CHRM2: variants seen among roughly 807,000 people sequenced by gnomAD.
CHRM2 encodes muscarinic acetylcholine receptor M2.
In CHRM2, 8 loss-of-function variants were observed where a neutral mutation model predicts 25.0. The ratio of observed to expected loss-of-function variants is 0.32; its 90% CI spans 0.19 to 0.58. The LOEUF is 0.58. CHRM2 is among the 20% of genes least tolerant of loss of function. The pLI, the probability that CHRM2 is intolerant of heterozygous loss-of-function variation, is 0.88. For synonymous variants in CHRM2, 202 were observed against 205.7 expected, an observed-to-expected ratio of 0.98 and a Z score of 0.15; for missense variants, 440 against 567.1, an observed-to-expected ratio of 0.78 and a Z score of 2.28.
intron 2 of CHRM2, among the ~76,000 whole-genome samples, chr7:136,950,828 T>C (rs1394468197): frequency 6.6e-6 from 1 of 151,570 alleles, no homozygotes; most frequent in Non-Finnish European, 1.5e-5. Flanking sequence ...GTTGTTGTTG[T>C]TTCGAGAGAG....
chr7:136,891,806 A>G (rs1438647361), intron 2 of CHRM2, among the ~76,000 whole-genome samples: 1 of 152,200 alleles, frequency 6.6e-6, no homozygotes, highest in African/African-American at 2.4e-5. Flanking sequence ...TGCTAAGCAT[A>G]GCCAGCATAT....
chr7:136,913,619 C>G (rs1797959772), intron 2 of CHRM2, among the ~76,000 whole-genome samples: 1 of 151,794 alleles, frequency 6.6e-6, no homozygotes, highest in South Asian at 2.1e-4. Context: ...TAACCAAAAC[C>G]TAGTAATTTT....
rs189942380 is a variant in CHRM2 at position 136,990,613 on chromosome 7, A to T, written c.-124-1574A>T. ...TGGATGTACCACAGTTTATTCATTC[A>T]CCTACTGAAGGATATCTTTGTTGCT... On this transcript the variant is annotated intron_variant, in intron 2 of 3. Transcript: ENST00000680005. Among the ~76,000 whole-genome samples, 221 of 152,232 alleles carry T rather than the reference A, an allele frequency of 1.5e-3. 1 individual carries two copies. Among genetic ancestry groups the T allele is most frequent in the Non-Finnish European group, 2.6e-3 (178 of 67,998 alleles).
At chr7:137,013,892 C>G (rs141199532) in intron 3 of CHRM2, among the ~76,000 whole-genome samples, 1 of 151,998 alleles carries the variant, frequency 6.6e-6, no homozygotes, top group Admixed American at 6.6e-5. Flanking sequence ...AATGACTGAA[C>G]AAACTGGGAT....
chr7:136,978,608 C>T (rs1221380336), intron 2 of CHRM2, among the ~76,000 whole-genome samples: 5 of 152,116 alleles, frequency 3.3e-5, no homozygotes, highest in Admixed American at 2.0e-4. Flanking sequence ...CCTTGACCCA[C>T]ACCCCCCGAC....
intron 2 of CHRM2, among the ~76,000 whole-genome samples, chr7:136,971,735 TTAAAAAA>T (rs1801787337): frequency 1.3e-5 from 2 of 152,108 alleles, no homozygotes; most frequent in Admixed American, 1.3e-4. Flanking sequence ...ATAGATTTAC[TTAAAAAA>T]TAATAAAAGC....
At chr7:136,998,568 C>T (rs1248341637) in intron 3 of CHRM2, among the ~76,000 whole-genome samples, 2 of 152,114 alleles carry the variant, frequency 1.3e-5, no homozygotes, top group African/African-American at 4.8e-5. Context: ...AGTCAAATGT[C>T]CTCATTGCCA....
chr7:136,935,307 C>A (rs187901674), intron 2 of CHRM2, among the ~76,000 whole-genome samples: 1 of 151,966 alleles, frequency 6.6e-6, no homozygotes, highest in Non-Finnish European at 1.5e-5. Context: ...ATAAAGCATG[C>A]GGCATCAATT....
intron 2 of CHRM2, among the ~76,000 whole-genome samples, chr7:136,952,286 G>T (rs1309538822): frequency 6.6e-6 from 1 of 152,150 alleles, no homozygotes; most frequent in Non-Finnish European, 1.5e-5. Context: ...AAAACATTCT[G>T]TTAAAAGCAG....
intron 2 of CHRM2, chr7:136,871,033 C>G (rs1795809262): frequency 6.5e-6 from 1 of 152,936 alleles, no homozygotes; most frequent in Admixed American, 6.5e-5. Context: ...CACACAGCGA[C>G]CAGTCCCCAC....
intron 2 of CHRM2, among the ~76,000 whole-genome samples, chr7:136,925,480 G>A (rs1798691058): frequency 6.6e-6 from 1 of 151,952 alleles, no homozygotes; most frequent in African/African-American, 2.4e-5. Context: ...CAAAGGGTAT[G>A]TTAATTGATT....
intron 3 of CHRM2, among the ~76,000 whole-genome samples, chr7:137,000,543 A>AGAAAGAAG (rs1291364125): frequency 2.7e-5 from 1 of 36,530 alleles, no homozygotes; most frequent in African/African-American, 9.5e-5. Context: ...AAGAAAAGAA[A>AGAAAGAAG]GAAAGAAGGA....
chr7:136,884,205 CTT>C (rs1212115084), intron 2 of CHRM2, among the ~76,000 whole-genome samples: 1 of 152,120 alleles, frequency 6.6e-6, no homozygotes, highest in African/African-American at 2.4e-5. Context: ...TGGATGAACT[CTT>C]TTATAAAACG....
At chr7:136,957,050 C>T (rs1047621594) in intron 2 of CHRM2, among the ~76,000 whole-genome samples, 1 of 152,154 alleles carries the variant, frequency 6.6e-6, no homozygotes, top group African/African-American at 2.4e-5. Flanking sequence ...GTGTTTTGGC[C>T]TGGATTGACA....
rs145633279 is a variant in CHRM2 at position 136,924,468 on chromosome 7, T to A, written c.-125+55050T>A. On this transcript the variant is annotated intron_variant, in intron 2 of 3. Coordinates refer to ENST00000680005, the MANE Select transcript of CHRM2 (RefSeq NM_001006630.2). ...TGAGTGAGAACATGCGTTGTTTGGT[T>A]TTTTGTCTTTGTGATAGTTTGCTGA... 3.3e-3 allele frequency among the ~76,000 whole-genome samples: 505 copies of A among 151,696 alleles called. 8 individuals are homozygous for A. The East Asian group carries it at 0.043, about 13-fold the overall frequency.
intron 2 of CHRM2, among the ~76,000 whole-genome samples, chr7:136,882,435 C>T (rs963582267): frequency 6.6e-6 from 1 of 151,076 alleles, no homozygotes; most frequent in Non-Finnish European, 1.5e-5. Flanking sequence ...TTCCTTTCTC[C>T]TCCTCCTTCC....
At chr7:136,978,398 A>G (rs1422441476) in intron 2 of CHRM2, among the ~76,000 whole-genome samples, 1 of 152,170 alleles carries the variant, frequency 6.6e-6, no homozygotes, top group Non-Finnish European at 1.5e-5. Context: ...TCTCTGCTCA[A>G]ATAATTTTGA....
chr7:136,976,103 T>C (rs779958000), intron 2 of CHRM2, among the ~76,000 whole-genome samples: 2 of 152,100 alleles, frequency 1.3e-5, no homozygotes, highest in African/African-American at 2.4e-5. Flanking sequence ...AAATGGTATA[T>C]TATAAAAAAT....
At position 136,898,510 on chromosome 7, in the gene CHRM2, CATGT is replaced by C. The variant is rs1167272425; in HGVS notation, c.-125+29093_-125+29096del. 4.8e-5 allele frequency among the ~76,000 whole-genome samples: 3 copies of C among 62,370 alleles called. No individual in the cohort carries two copies. In the East Asian group the frequency reaches 1.1e-3, roughly 22 times the overall value. The allele number at this position is 62,370 out of a possible 152,430, so 40.9% of individuals were successfully genotyped here. A position where few individuals can be genotyped will look rare whatever the true frequency, so the allele number is the denominator to read the frequency against. The stretch of plus-strand genomic sequence containing the variant: ...GCATGCCTGTGTGTATGTGTGTTTG[CATGT>C]GTGTGTGTGTGTGTGTGTGTCTGTG... On this transcript the variant is annotated intron_variant, in intron 2 of 3. Transcript: ENST00000680005.
Sources: gnomAD v4.1 joint callset for allele counts (sites outside exome capture counted in the v4.1 genomes callset) on GRCh38, gnomAD v4.1.1 for gene constraint, MANE v1.5 for transcripts, NCBI Gene and HGNC (gene_info 2026-07-23, HGNC 2026-07-21) for gene names.